The following CFAP47 variants were observed in gnomAD, a reference collection of about 807,000 sequenced individuals.
The protein encoded by CFAP47 is cilia and flagella associated protein 47.
A neutral mutation model predicts 148.1 loss-of-function variants in CFAP47; 29 were observed. That is an observed-to-expected ratio of 0.20 (90% CI 0.15 to 0.27). CFAP47 has a LOEUF of 0.27. CFAP47 is among the 10% of genes least tolerant of loss of function. CFAP47 has a pLI of 1.00. For missense variants in CFAP47, 1,872 were observed against 1,697.5 expected, an observed-to-expected ratio of 1.10 and a Z score of -1.81; for synonymous variants, 664 against 577.3, an observed-to-expected ratio of 1.15 and a Z score of -2.15.
At chrX:35,966,355 A>G (rs1936405872) in intron 8 of CFAP47, among the ~76,000 whole-genome samples, 1 of 102,492 alleles carries the variant, frequency 9.8e-6, no homozygotes, top group Non-Finnish European at 2.0e-5. Flanking sequence ...GAAAAATAAA[A>G]AATTTTAATA....
intron 22 of CFAP47, among the ~76,000 whole-genome samples, chrX:36,022,832 G>T (rs187219142): frequency 9.0e-6 from 1 of 111,225 alleles, no homozygotes; most frequent in East Asian, 2.9e-4. Flanking sequence ...CCGTCTCTTT[G>T]TTAATCTTAT....
intron 52 of CFAP47, among the ~76,000 whole-genome samples, chrX:36,299,856 A>G (rs1173413683): frequency 2.7e-5 from 3 of 112,407 alleles, no homozygotes; most frequent in Non-Finnish European, 5.6e-5. Flanking sequence ...AGTAATTGTT[A>G]TTTTAATGAG....
intron 57 of CFAP47, among the ~76,000 whole-genome samples, chrX:36,326,443 A>G (rs1446898858): frequency 1.8e-5 from 2 of 111,841 alleles, no homozygotes; most frequent in Non-Finnish European, 3.8e-5. Context: ...GGCTTAGAAG[A>G]CAAGAAGATG....
At chrX:36,069,916 T>C (rs961114620) in intron 27 of CFAP47, among the ~76,000 whole-genome samples, 11 of 112,274 alleles carry the variant, frequency 9.8e-5, no homozygotes, top group Non-Finnish European at 1.3e-4. Context: ...AAGTGAATTA[T>C]TGAGTTTAGT....
chrX:36,056,991 A>G (rs1937559579), intron 26 of CFAP47, among the ~76,000 whole-genome samples: 1 of 111,910 alleles, frequency 8.9e-6, no homozygotes, highest in Non-Finnish European at 1.9e-5. Flanking sequence ...GTTACTCCCT[A>G]ATAATCCTCT....
At position 36,138,456 on chromosome X, in the gene CFAP47, G is replaced by A. The variant is rs1939084316; in HGVS notation, c.5527G>A (p.Glu1843Lys). 2 of 1,146,660 alleles carry A rather than the reference G, an allele frequency of 1.7e-6. No individual in the cohort carries two copies. The highest frequency in any genetic ancestry group is 2.3e-6 in the Non-Finnish European group (2 of 870,697). The allele number at this position is 1,146,660 out of a possible 1,213,427, so 94.5% of individuals were successfully genotyped here. A position where few individuals can be genotyped will look rare whatever the true frequency, so the allele number is the denominator to read the frequency against. ...NTLYEIDFDV[E>K]IQATDICDPN... is the part of the protein sequence containing the mutation. ...TCTTTATGAAATTGACTTTGACGTG[G>A]AAATACAGGTGGGTGCCTTTATATT... Residue 1843 changes from glutamate (E) to lysine (K), a missense_variant, in exon 35 of 64, where the codon GAA becomes AAA. Physicochemically the swap from Glu to Lys is moderately conservative, Grantham distance 56. Transcript: ENST00000378653.
In CFAP47 at chrX:36,231,421, A is replaced by G. The variant is rs1465843903; in HGVS notation, c.7014+2597A>G. Among the ~76,000 whole-genome samples the G allele has an allele frequency of 1.1e-3, 119 of 107,737 alleles. 1 individual carries two copies. The highest frequency in any genetic ancestry group is 3.5e-3 in the African/African-American group (102 of 29,475). The allele number at this position is 107,737 out of a possible 115,157, so 93.6% of individuals were successfully genotyped here. Reference sequence around the variant, plus strand: ...TGATTTGGCTCTCTGTTTGTCTGTTATTGGTGTATAAGAATGCTTGTGATT... The same window carrying G: ...TGATTTGGCTCTCTGTTTGTCTGTTGTTGGTGTATAAGAATGCTTGTGATT... On this transcript the variant is annotated intron_variant, in intron 46 of 63. Coordinates refer to ENST00000378653, the MANE Select transcript of CFAP47 (RefSeq NM_001304548.2).
In CFAP47 at chrX:36,137,983, A is replaced by G; in HGVS notation, c.5346A>G (p.Ile1782Met). 1 of 824,441 alleles carries G rather than the reference A, an allele frequency of 1.2e-6. No individual in the cohort carries two copies. Among genetic ancestry groups the G allele is most frequent in the Non-Finnish European group, 1.8e-6 (1 of 549,484 alleles). The allele number at this position is 824,441 out of a possible 1,213,427, so 67.9% of individuals were successfully genotyped here. Residue 1782 changes from isoleucine to methionine, a missense_variant, in exon 34 of 64, where the codon ATA (isoleucine) becomes ATG (methionine). Physicochemically the swap from Ile to Met is conservative, Grantham distance 10. Coordinates refer to ENST00000378653, the MANE Select transcript of CFAP47 (RefSeq NM_001304548.2). ...ATGTTATCCCTTCTGAGAGATGGAT[A>G]GTAAATTTTGACAAAGACCTTTCAG... is the stretch of plus-strand genomic sequence containing the variant. The part of the protein sequence containing the change: ...HKDVIPSERW[I>M]VNFDKDLSDG...
intron 45 of CFAP47, among the ~76,000 whole-genome samples, chrX:36,227,374 A>T (rs1479529674): frequency 1.8e-5 from 2 of 111,840 alleles, no homozygotes; most frequent in Non-Finnish European, 3.8e-5. Flanking sequence ...TATACATTAT[A>T]TATATTGTAT....
intron 21 of CFAP47, among the ~76,000 whole-genome samples, chrX:36,007,150 T>C (rs1179991533): frequency 8.9e-6 from 1 of 112,384 alleles, no homozygotes; most frequent in Non-Finnish European, 1.9e-5. Flanking sequence ...GTATTTTCCC[T>C]GCAGTTTTTG....
chrX:36,226,209 A>G (rs1940268313), intron 45 of CFAP47, among the ~76,000 whole-genome samples: 1 of 111,943 alleles, frequency 8.9e-6, no homozygotes, highest in South Asian at 3.7e-4. Context: ...TCAAGGAGGA[A>G]GTCACACATA....
At chrX:36,000,752 A>G (rs1936904958) in intron 20 of CFAP47, among the ~76,000 whole-genome samples, 1 of 111,840 alleles carries the variant, frequency 8.9e-6, no homozygotes, top group Admixed American at 9.5e-5. Flanking sequence ...TTGCTCAATA[A>G]TTTTAGATAA....
chrX:36,220,401 T>C (rs1940202172), intron 45 of CFAP47, among the ~76,000 whole-genome samples: 1 of 110,596 alleles, frequency 9.0e-6, no homozygotes, highest in Admixed American at 9.7e-5. Context: ...GATATATATA[T>C]ATCCTGTTTG....
chrX:36,225,092 A>G (rs1160286654), intron 45 of CFAP47, among the ~76,000 whole-genome samples: 1 of 111,280 alleles, frequency 9.0e-6, no homozygotes, highest in African/African-American at 3.3e-5. Flanking sequence ...TTATCTTTAA[A>G]TATAGAATCT....
At chrX:36,056,937 T>A (rs766815924) in intron 26 of CFAP47, among the ~76,000 whole-genome samples, 2 of 112,448 alleles carry the variant, frequency 1.8e-5, no homozygotes, top group East Asian at 5.6e-4. Flanking sequence ...GCTGTTCTAC[T>A]TCATTCTGTT....
intron 46 of CFAP47, among the ~76,000 whole-genome samples, chrX:36,231,190 A>C (rs1555992533): frequency 1.8e-5 from 2 of 110,818 alleles, no homozygotes; most frequent in African/African-American, 3.3e-5. Context: ...TGAATCTATA[A>C]ATTACTTTGG....
At chrX:36,160,811 A>G (rs1424792230) in intron 39 of CFAP47, 42 bp downstream of exon 39, 12 of 278,904 alleles carry the variant, frequency 4.3e-5, no homozygotes, top group South Asian at 4.6e-4. Context: ...AATTAGCTCT[A>G]TCTCCACTCT....
intron 45 of CFAP47, among the ~76,000 whole-genome samples, chrX:36,216,766 A>C (rs1202333971): frequency 9.0e-6 from 1 of 111,187 alleles, no homozygotes; most frequent in East Asian, 2.8e-4. Context: ...TCCTGGGTGG[A>C]GGCCACAAGA....
At chrX:35,937,116 T>G (rs1485498345) in intron 2 of CFAP47, among the ~76,000 whole-genome samples, 8 of 63,622 alleles carry the variant, frequency 1.3e-4, no homozygotes, top group African/African-American at 6.6e-4. Flanking sequence ...TTTTTTTTTT[T>G]TTTTTTTTTT....
Sources: allele counts gnomAD v4.1 joint callset (sites outside exome capture counted in the v4.1 genomes callset), GRCh38; gene constraint gnomAD v4.1.1; transcripts MANE v1.5; gene names NCBI Gene and HGNC (gene_info 2026-07-23, HGNC 2026-07-21).